TRIM37: variants seen among roughly 807,000 people sequenced by gnomAD.
The protein encoded by TRIM37 is E3 ubiquitin-protein ligase TRIM37.
In TRIM37, 80 loss-of-function variants were observed where a neutral mutation model predicts 129.8. That is an observed-to-expected ratio of 0.62 (90% confidence interval 0.51 to 0.74). The LOEUF (loss-of-function observed/expected upper bound fraction) is 0.74. TRIM37 is among the 30% of genes least tolerant of loss of function. The probability of loss-of-function intolerance (pLI) is 0.00; values close to 1 mark genes in which losing one functional copy is unlikely to be tolerated. For missense variants in TRIM37, 1,054 were observed against 1,176.5 expected, an observed-to-expected ratio of 0.90 and a Z score of 1.52; for synonymous variants, 389 against 387.1, an observed-to-expected ratio of 1.00 and a Z score of -0.06.
At chr17:59,032,531 CAAA>C (rs35442859) in intron 17 of TRIM37, among the ~76,000 whole-genome samples, 3 of 84,764 alleles carry the variant, frequency 3.5e-5, no homozygotes, top group Admixed American at 1.4e-4. Context: ...GACTCCGTCT[CAAA>C]AAAAAAAAAA....
intron 22 of TRIM37, among the ~76,000 whole-genome samples, chr17:59,010,781 C>T (rs1035059673): frequency 1.3e-5 from 2 of 152,154 alleles, no homozygotes; most frequent in African/African-American, 4.8e-5. Context: ...GCATGAGCCA[C>T]TGCGCTTGGT....
At chr17:59,062,016 T>C (rs1444145566) in intron 11 of TRIM37, among the ~76,000 whole-genome samples, 1 of 151,728 alleles carries the variant, frequency 6.6e-6, no homozygotes, top group Non-Finnish European at 1.5e-5. Context: ...AATGCCATTA[T>C]ACAAAACTTT....
At chr17:59,030,697 T>C (rs552179110) in intron 18 of TRIM37, among the ~76,000 whole-genome samples, 4 of 152,346 alleles carry the variant, frequency 2.6e-5, no homozygotes, top group African/African-American at 7.2e-5. Context: ...AAATATACCA[T>C]TGCATGGTTA....
intron 1 of TRIM37, among the ~76,000 whole-genome samples, chr17:59,105,528 TTTG>T (rs2147735796): frequency 6.6e-6 from 1 of 152,370 alleles, no homozygotes; most frequent in Non-Finnish European, 1.5e-5. Context: ...TATTGTATAC[TTTG>T]TTTTTATATT....
At chr17:59,012,770 G>A (rs992663197) in intron 21 of TRIM37, among the ~76,000 whole-genome samples, 3 of 151,978 alleles carry the variant, frequency 2.0e-5, no homozygotes, top group African/African-American at 7.3e-5. Context: ...CCAGCTACTC[G>A]GGAGGCTGAG....
intron 5 of TRIM37, 81 bp downstream of exon 5, chr17:59,083,921 G>C (rs1336007860): frequency 9.0e-7 from 1 of 1,107,728 alleles, no homozygotes; most frequent in African/African-American, 1.5e-5. Context: ...AGAGCATAAT[G>C]ACACTATTTT....
rs111728162 is a variant in TRIM37 at position 59,015,457 on chromosome 17, A to T, written c.2576+153T>A. On this transcript the variant is annotated intron_variant, in intron 21 of 23. Coordinates refer to ENST00000262294, the MANE Select transcript of TRIM37 (RefSeq NM_015294.6). Reference sequence around the variant, plus strand: ...TCTGTTAAAAAAAATAAAAAAAATTAAAAAAGTTAAAATTTAGTGCAATAA... The same window carrying T: ...TCTGTTAAAAAAAATAAAAAAAATTTAAAAAGTTAAAATTTAGTGCAATAA... Among the ~76,000 whole-genome samples the T allele has an allele frequency of 3.1e-3, 465 of 152,310 alleles. 2 individuals carry two copies. The highest frequency in any genetic ancestry group is 4.2e-3 in the Admixed American group (64 of 15,302).
intron 24 of TRIM37, among the ~76,000 whole-genome samples, chr17:58,992,562 T>C (rs2032555144): frequency 6.6e-6 from 1 of 151,952 alleles, no homozygotes. Context: ...GTATTTTTAG[T>C]AAAGATAGGG....
At position 59,012,442 on chromosome 17, in the gene TRIM37, T is replaced by C. The variant is rs745946201; in HGVS notation, c.2581A>G (p.Asn861Asp). 8 of 1,597,422 alleles carry C rather than the reference T, an allele frequency of 5.0e-6. No homozygotes were observed. Among genetic ancestry groups the C allele is most frequent in the Non-Finnish European group, 6.8e-6 (8 of 1,169,202 alleles). The change falls in exon 22 of 24, where the codon AAT becomes GAT. Residue 861 changes from asparagine to aspartate, a missense_variant. This residue lies in a region of TRIM37 where 287 missense variants were observed against 274.3 expected (regional missense o/e 1.05). Coordinates refer to ENST00000262294, the MANE Select transcript of TRIM37 (RefSeq NM_015294.6). ...KRRKMVTLGA[N>D]AKGGHLEGLQ... ...CCTTCCAGATGACCTCCTTTAGCATTAGCCCTCAAAGAAGAAAACAACTTG... is the reference window on the plus strand; with the variant it reads ...CCTTCCAGATGACCTCCTTTAGCATCAGCCCTCAAAGAAGAAAACAACTTG...
intron 2 of TRIM37, among the ~76,000 whole-genome samples, chr17:59,101,655 CAAAAAAAAAAA>C (rs763661189): frequency 0.27 from 15,466 of 58,162 alleles, 1,233 homozygotes; most frequent in Non-Finnish European, 0.3. Context: ...CCCATCTCTA[CAAAAAAAAAAA>C]AAAAAAAAAA....
downstream of TRIM37, chr17:58,981,412 TC>T (rs2031350455): frequency 6.0e-6 from 1 of 166,134 alleles, no homozygotes; most frequent in Admixed American, 6.1e-5. Flanking sequence ...GCAGTTGAAA[TC>T]TGGTCTGATG....
rs776022470 is a variant in TRIM37, at chr17:59,056,834, T to C, written c.1199+41A>G. On this transcript the variant is annotated intron_variant, in intron 13 of 23. Transcript: ENST00000262294. Reference sequence around the variant, plus strand: ...GAAATATAGTTCTGATGATATTATTTCCCCACAATAAAAACCACAACATCA... The same window carrying C: ...GAAATATAGTTCTGATGATATTATTCCCCCACAATAAAAACCACAACATCA... 1.9e-6 allele frequency: 3 copies of C among 1,551,510 alleles called. No individual in the cohort carries two copies. In the South Asian group the frequency reaches 3.3e-5, roughly 17 times the overall value.
chr17:59,083,362 C>T (rs562631387), intron 5 of TRIM37, among the ~76,000 whole-genome samples: 6 of 150,878 alleles, frequency 4.0e-5, no homozygotes, highest in African/African-American at 1.5e-4. Flanking sequence ...CACTTGAACC[C>T]GGGAGGCGGA....
At chr17:59,066,335 C>T (rs1294258052) in intron 9 of TRIM37, among the ~76,000 whole-genome samples, 1 of 152,220 alleles carries the variant, frequency 6.6e-6, no homozygotes, top group Non-Finnish European at 1.5e-5. Context: ...CATGCAAAGA[C>T]TTTAATCAAT....
At chr17:58,987,104 C>G (rs1398816141) in intron 24 of TRIM37, among the ~76,000 whole-genome samples, 2 of 152,144 alleles carry the variant, frequency 1.3e-5, no homozygotes, top group African/African-American at 4.8e-5. Context: ...CCCTCACACA[C>G]AGGTTCTATT....
chr17:58,987,902 G>A (rs1367617115), intron 24 of TRIM37, among the ~76,000 whole-genome samples: 4 of 152,138 alleles, frequency 2.6e-5, no homozygotes, highest in Non-Finnish European at 5.9e-5. Flanking sequence ...TTAAATCACA[G>A]CACTTCCAGC....
chr17:59,051,419 T>C, intron 13 of TRIM37, 91 bp from the exon 14 acceptor site: 1 of 847,226 alleles, frequency 1.2e-6, no homozygotes. Flanking sequence ...GTTAACTTGA[T>C]TATAAGGCCA....
Position 59,106,476 on chromosome 17 carries a change from G to A in TRIM37, c.-15C>T, listed in dbSNP as rs758102546. 1 of 1,613,644 alleles carries A rather than the reference G, an allele frequency of 6.2e-7. No individual in the cohort carries two copies. The highest frequency in any genetic ancestry group is 1.1e-5 in the South Asian group (1 of 91,042). ...TGTTCATCCATTGCCTCCGGCTCTC[G>A]GCGGGGCCGCTGGCGACCCGCAGGC... On this transcript the variant is annotated 5_prime_UTR_variant, in exon 1 of 24. Coordinates refer to ENST00000262294, the MANE Select transcript of TRIM37 (RefSeq NM_015294.6).
At chr17:59,092,757 T>G (rs1215647540) in intron 2 of TRIM37, among the ~76,000 whole-genome samples, 46 of 152,190 alleles carry the variant, frequency 3.0e-4, no homozygotes, top group Non-Finnish European at 3.2e-4. Context: ...GAGCTTTAAC[T>G]TGATGCCAAA....
Sources: allele counts gnomAD v4.1 joint callset (sites outside exome capture counted in the v4.1 genomes callset), GRCh38; gene constraint gnomAD v4.1.1; regional missense constraint gnomAD v4.1.1; transcripts MANE v1.5; gene names NCBI Gene and HGNC (gene_info 2026-07-23, HGNC 2026-07-21).